Variants in CYP27A1 observed in about 807,000 individuals in gnomAD.
CYP27A1 encodes the protein sterol 26-hydroxylase, mitochondrial.
Under a neutral mutation model 58.2 loss-of-function variants are expected in CYP27A1, and 46 were observed. The observed-to-expected ratio is 0.79, with a 90% confidence interval of 0.62 to 1.01. The LOEUF (loss-of-function observed/expected upper bound fraction) is 1.01, where lower values mean the gene tolerates loss of function less well. CYP27A1 is among the 50% of genes least tolerant of loss of function. CYP27A1 has a pLI of 0.00. For missense variants in CYP27A1, 704 were observed against 687.0 expected (o/e 1.02, Z -0.28); for synonymous variants, 274 against 285.1 (o/e 0.96, Z 0.39).
chr2:218,787,838 G>A (rs1036797708), intron 1 of CYP27A1, among the ~76,000 whole-genome samples: 2 of 152,164 alleles, frequency 1.3e-5, no homozygotes, highest in Admixed American at 1.3e-4. Context: ...CAGATATTCT[G>A]TCATATCAAT....
At chr2:218,786,551 T>G (rs1559385548) in intron 1 of CYP27A1, among the ~76,000 whole-genome samples, 1 of 152,194 alleles carries the variant, frequency 6.6e-6, no homozygotes, top group Non-Finnish European at 1.5e-5. Context: ...CTAATAAAAA[T>G]TACATTGAAT....
rs1233111325 is a variant in CYP27A1 at position 218,813,088 on chromosome 2, G to A, written c.1009G>A (p.Val337Met). Reference sequence around the variant, plus strand: ...CCTGCCTGAGCTGCTCATGGCTGGAGTGGACACGGTGCGTGAAGGGGGAGG... The same window carrying A: ...CCTGCCTGAGCTGCTCATGGCTGGAATGGACACGGTGCGTGAAGGGGGAGG... ...GSLPELLMAG[V>M]DTTSNTLTWA... Residue 337 changes from valine to methionine, a missense_variant, in exon 5 of 9, where the codon GTG becomes ATG. Val to Met is a conservative substitution (Grantham distance 21). Coordinates refer to ENST00000258415, the MANE Select transcript of CYP27A1 (RefSeq NM_000784.4). The A allele has an allele frequency of 6.2e-6, 10 of 1,609,996 alleles. No individual in the cohort carries two copies. Among genetic ancestry groups the A allele is most frequent in the Admixed American group, 1.7e-5 (1 of 59,788 alleles).
chr2:218,813,497 C>G (rs1943746564), intron 5 of CYP27A1, among the ~76,000 whole-genome samples: 1 of 152,172 alleles, frequency 6.6e-6, no homozygotes, highest in South Asian at 2.1e-4. Context: ...TTGATCTCAG[C>G]TGACTGCAAC....
intron 1 of CYP27A1, among the ~76,000 whole-genome samples, chr2:218,804,297 G>C (rs1943629751): frequency 6.6e-6 from 1 of 152,168 alleles, no homozygotes; most frequent in Non-Finnish European, 1.5e-5. Flanking sequence ...TTGTTGAAGA[G>C]ACTTTCTTTC....
chr2:218,786,677 T>C (rs1426559932), intron 1 of CYP27A1, among the ~76,000 whole-genome samples: 1 of 152,200 alleles, frequency 6.6e-6, no homozygotes, highest in Non-Finnish European at 1.5e-5. Context: ...GTGCACTGCC[T>C]GGCTTGGTGA....
intron 8 of CYP27A1, 61 bp from the exon 9 acceptor site, chr2:218,814,850 G>A: frequency 6.2e-7 from 1 of 1,614,066 alleles, no homozygotes; most frequent in Non-Finnish European, 8.5e-7. Context: ...GGAGTGTGCA[G>A]AGCGGGGAGT....
At chr2:218,813,554 T>G (rs1262836970) in intron 5 of CYP27A1, among the ~76,000 whole-genome samples, 3 of 152,200 alleles carry the variant, frequency 2.0e-5, no homozygotes, top group African/African-American at 7.2e-5. Flanking sequence ...GCCTCCCAGG[T>G]AGCTGGGATT....
chr2:218,785,926 C>T (rs775635955), intron 1 of CYP27A1, among the ~76,000 whole-genome samples: 4 of 152,160 alleles, frequency 2.6e-5, no homozygotes, highest in Admixed American at 2.0e-4. Flanking sequence ...GCTCATAGAA[C>T]TGAAAAGACC....
chr2:218,810,105 C>A (rs1943697148), intron 2 of CYP27A1, among the ~76,000 whole-genome samples: 1 of 151,986 alleles, frequency 6.6e-6, no homozygotes, highest in Non-Finnish European at 1.5e-5. Context: ...ACGGTGAAAC[C>A]CCGTCTCTAC....
chr2:218,783,993 G>A (rs1485423147), intron 1 of CYP27A1, among the ~76,000 whole-genome samples: 1 of 152,186 alleles, frequency 6.6e-6, no homozygotes, highest in Non-Finnish European at 1.5e-5. Flanking sequence ...TGTGGTGTGT[G>A]TAGTAGGAGA....
chr2:218,814,398 C>T lies in CYP27A1; in HGVS notation c.1203C>T (p.Pro401=), dbSNP rs1309563490. 1 of 1,614,228 alleles carries T rather than the reference C, an allele frequency of 6.2e-7. No individual in the cohort carries two copies. The highest frequency in any genetic ancestry group is 1.1e-5 in the South Asian group (1 of 91,088). Reference sequence around the variant, plus strand: ...CCTGCAGTCTCTACCCTGTGGTCCCCACAAACTCCCGGATCATAGAAAAGG... The same window carrying T: ...CCTGCAGTCTCTACCCTGTGGTCCCTACAAACTCCCGGATCATAGAAAAGG... ...KETLRLYPVV[P]TNSRIIEKEI... is the part of the protein sequence containing the mutation. Residue 401 remains proline (P), a synonymous_variant, in exon 7 of 9, where the codon CCC becomes CCT. Coordinates refer to ENST00000258415, the MANE Select transcript of CYP27A1 (RefSeq NM_000784.4).
In CYP27A1 at chr2:218,814,926, A is replaced by G; in HGVS notation, c.1492A>G (p.Lys498Glu). Residue 498 changes from lysine to glutamate, a missense_variant, in exon 9 of 9, where the codon AAG becomes GAG. Physicochemically the swap from Lys to Glu is moderately conservative, Grantham distance 56. Coordinates refer to ENST00000258415, the MANE Select transcript of CYP27A1 (RefSeq NM_000784.4). ...TACCCCCCAGCTGATCCAGAAGTACAAGGTGGTCCTGGCCCCGGAGACGGG... is the reference window on the plus strand; with the variant it reads ...TACCCCCCAGCTGATCCAGAAGTACGAGGTGGTCCTGGCCCCGGAGACGGG... ...LLLARLIQKY[K>E]VVLAPETGEL... The G allele has an allele frequency of 6.2e-7, 1 of 1,614,216 alleles. No homozygotes were observed. Among genetic ancestry groups the G allele is most frequent in the Non-Finnish European group, 8.5e-7 (1 of 1,180,026 alleles).
intron 1 of CYP27A1, among the ~76,000 whole-genome samples, chr2:218,790,402 C>T (rs772593106): frequency 7.9e-5 from 12 of 152,162 alleles, no homozygotes; most frequent in Admixed American, 1.3e-4. Context: ...GCTCCTTAGC[C>T]AGGTTCCCCA....
In CYP27A1 at chr2:218,782,630, A is replaced by C. The variant is rs78672392; in HGVS notation, c.255+193A>C. On this transcript the variant is annotated intron_variant, in intron 1 of 8. Transcript: ENST00000258415. This position sits in a 1 kb window ranked among gnomAD's most constrained non-coding sequence, Gnocchi z 4.1. ...AGACAGAGCCCTTTGAGCTGAGATA[A>C]ACAGGACGAGGAAGGGCTTAAATCA... Among the ~76,000 whole-genome samples, 801 of 152,292 alleles carry C rather than the reference A, an allele frequency of 5.3e-3. 6 individuals carry two copies. Among genetic ancestry groups the C allele is most frequent in the African/African-American group, 0.018 (755 of 41,564 alleles).
intron 1 of CYP27A1, among the ~76,000 whole-genome samples, chr2:218,801,160 AG>A (rs1943596075): frequency 1.3e-5 from 2 of 152,224 alleles, no homozygotes; most frequent in Admixed American, 6.5e-5. Flanking sequence ...ATTGTCTTCC[AG>A]AAAAGTTACA....
chr2:218,791,219 T>C (rs1196107073), intron 1 of CYP27A1, among the ~76,000 whole-genome samples: 2 of 152,208 alleles, frequency 1.3e-5, no homozygotes, highest in Non-Finnish European at 2.9e-5. Flanking sequence ...TGAGAAGAGT[T>C]AAGACCTCCT....
At chr2:218,807,107 C>G (rs1441563853) in intron 1 of CYP27A1, among the ~76,000 whole-genome samples, 1 of 151,524 alleles carries the variant, frequency 6.6e-6, no homozygotes, top group Non-Finnish European at 1.5e-5. Context: ...TTACAGGCGC[C>G]CACCAACATG....
At chr2:218,812,142 G>T in intron 2 of CYP27A1, 80 bp from the exon 3 acceptor site, 1 of 1,056,126 alleles carries the variant, frequency 9.5e-7, no homozygotes. Context: ...AGGGGGTGGT[G>T]GACTTCAGGG....
At position 218,791,959 on chromosome 2, in the gene CYP27A1, C is replaced by T. The variant is rs529470185; in HGVS notation, c.255+9522C>T. On this transcript the variant is annotated intron_variant, in intron 1 of 8. Transcript: ENST00000258415. ...ATCCCTCTATAAATGTTTAAATGTC[C>T]CATCAGCTAGCGAAATGTACCTGAA... is the stretch of plus-strand genomic sequence containing the variant. Among the ~76,000 whole-genome samples, 4 of 152,086 alleles carry T rather than the reference C, an allele frequency of 2.6e-5. No individual in the cohort carries two copies. The South Asian group carries it at 8.3e-4, about 32-fold the overall frequency.
Sources: allele counts gnomAD v4.1 joint callset (sites outside exome capture counted in the v4.1 genomes callset), GRCh38; gene constraint gnomAD v4.1.1; non-coding constraint Gnocchi (gnomAD v3.1); transcripts MANE v1.5; gene names NCBI Gene and HGNC (gene_info 2026-07-23, HGNC 2026-07-21).